The following RIMS1 variants were observed in gnomAD, a reference collection of about 807,000 sequenced individuals.
The protein encoded by RIMS1 is regulating synaptic membrane exocytosis protein 1.
Under a neutral mutation model 214.1 loss-of-function variants are expected in RIMS1, and 83 were observed. The ratio of observed to expected loss-of-function variants is 0.39; its 90% CI spans 0.32 to 0.47. The LOEUF is 0.47. Among genes scored for constraint, RIMS1 ranks in the 20% least tolerant of loss-of-function variants. The probability of loss-of-function intolerance (pLI) is 0.99; values close to 1 mark genes in which losing one functional copy is unlikely to be tolerated. For synonymous variants in RIMS1, 793 were observed against 786.8 expected (o/e 1.01, Z -0.13); for missense variants, 2,050 against 2,161.8 (o/e 0.95, Z 1.03).
chr6:71,948,697 C>T (rs1392606075), intron 1 of RIMS1, among the ~76,000 whole-genome samples: 1 of 152,058 alleles, frequency 6.6e-6, no homozygotes, highest in Admixed American at 6.6e-5. Context: ...ACTACATAGG[C>T]CATAATAATT....
chr6:72,303,244 G>T (rs62407503), intron 26 of RIMS1, among the ~76,000 whole-genome samples: 28,975 of 150,544 alleles, frequency 0.19, 3,495 homozygotes, highest in Non-Finnish European at 0.27. Flanking sequence ...ATGGATTAGG[G>T]AAGATTTATT....
At chr6:72,071,957 T>A (rs1830668869) in intron 2 of RIMS1, among the ~76,000 whole-genome samples, 1 of 152,196 alleles carries the variant, frequency 6.6e-6, no homozygotes, top group African/African-American at 2.4e-5. Flanking sequence ...TTAGGTTTAT[T>A]CTGAATAAGC....
At chr6:72,235,771 A>C in intron 8 of RIMS1, 43 bp downstream of exon 8, 1 of 1,172,654 alleles carries the variant, frequency 8.5e-7, no homozygotes. Flanking sequence ...GGTGAATTAC[A>C]GTATGGTCTG....
At chr6:72,361,486 A>G (rs1329098689) in intron 29 of RIMS1, among the ~76,000 whole-genome samples, 13 of 152,186 alleles carry the variant, frequency 8.5e-5, no homozygotes, top group Non-Finnish European at 1.8e-4. Context: ...GAAGTCTAAA[A>G]TGGGTCAAAG....
Position 72,145,666 on chromosome 6 carries a change from C to T in RIMS1, c.472-33909C>T, listed in dbSNP as rs145005952. 7.7e-4 allele frequency among the ~76,000 whole-genome samples: 117 copies of T among 152,188 alleles called. 2 individuals carry two copies. The East Asian group carries it at 0.02, about 26-fold the overall frequency. On this transcript the variant is annotated intron_variant, in intron 4 of 33. Transcript: ENST00000521978. ...TTTACTGACCACAGGTTAGGAACCC[C>T]GTATAAAGACTGTGTAGACAAGTTA...
At chr6:72,259,793 T>G (rs1229794912) in intron 18 of RIMS1, among the ~76,000 whole-genome samples, 1 of 152,178 alleles carries the variant, frequency 6.6e-6, no homozygotes, top group Non-Finnish European at 1.5e-5. Context: ...AGCCTGATTA[T>G]AAGCTCAGGA....
At chr6:72,387,291 T>A (rs2807517) in intron 29 of RIMS1, among the ~76,000 whole-genome samples, 5,823 of 152,316 alleles carry the variant, frequency 0.038, 277 homozygotes, top group African/African-American at 0.12. Flanking sequence ...TTAGATTTAA[T>A]GTTCCTGCAA....
At chr6:72,264,634 G>C (rs1219591460) in intron 19 of RIMS1, among the ~76,000 whole-genome samples, 1 of 152,072 alleles carries the variant, frequency 6.6e-6, no homozygotes, top group Non-Finnish European at 1.5e-5. Flanking sequence ...TTTTAGCTAT[G>C]AGTTTACTTT....
intron 4 of RIMS1, among the ~76,000 whole-genome samples, chr6:72,141,922 G>A (rs1312233056): frequency 5.9e-5 from 9 of 151,892 alleles, no homozygotes; most frequent in Non-Finnish European, 1.5e-5. Flanking sequence ...TGGCCTATTA[G>A]CTTCCTTCAA....
At chr6:71,994,208 T>C (rs913445142) in intron 2 of RIMS1, among the ~76,000 whole-genome samples, 1 of 152,198 alleles carries the variant, frequency 6.6e-6, no homozygotes, top group African/African-American at 2.4e-5. Flanking sequence ...AATTTAGTGT[T>C]ATTACTTTAA....
intron 1 of RIMS1, among the ~76,000 whole-genome samples, chr6:71,915,106 C>T (rs75235207): frequency 0.059 from 8,976 of 151,958 alleles, 394 homozygotes; most frequent in Non-Finnish European, 0.091. Flanking sequence ...GCATACAGAC[C>T]CAAGGCCTTC....
At position 72,259,134 on chromosome 6, in the gene RIMS1, C is replaced by G. The variant is rs752616961; in HGVS notation, c.3053+23C>G. The G allele has an allele frequency of 2.5e-5, 40 of 1,602,070 alleles. No homozygotes were observed. The East Asian group carries it at 7.4e-4, about 30-fold the overall frequency. On this transcript the variant is annotated intron_variant, in intron 18 of 33. Coordinates refer to ENST00000521978, the MANE Select transcript of RIMS1 (RefSeq NM_014989.7). ...CAGGTATTTGTCAAAATTATGATCTCAACGTTATGAATTTTTTGTTCTGTT... is the reference window on the plus strand; with the variant it reads ...CAGGTATTTGTCAAAATTATGATCTGAACGTTATGAATTTTTTGTTCTGTT...
intron 31 of RIMS1, among the ~76,000 whole-genome samples, chr6:72,395,853 C>T (rs985331668): frequency 1.3e-5 from 2 of 151,570 alleles, no homozygotes; most frequent in African/African-American, 4.8e-5. Flanking sequence ...AATTATCACA[C>T]ATACCTCAAA....
chr6:72,147,979 A>G (rs1479831538), intron 4 of RIMS1, among the ~76,000 whole-genome samples: 1 of 152,144 alleles, frequency 6.6e-6, no homozygotes. Flanking sequence ...GTGGAGCCCT[A>G]TTGACCCTGG....
At position 72,307,190 on chromosome 6, in the gene RIMS1, C is replaced by T. The variant is rs118051512; in HGVS notation, c.3851-68C>T. ...GAAGTCATTTCAAAAGCATTGAAAT[C>T]TTAAACCATTCAGTTCCTGAAAGGT... On this transcript the variant is annotated intron_variant, in intron 26 of 33. Transcript: ENST00000521978. 9.5e-3 allele frequency: 9,214 copies of T among 971,760 alleles called. 58 individuals are homozygous for T. The highest frequency in any genetic ancestry group is 0.013 in the Non-Finnish European group (7,864 of 624,060). The allele number at this position is 971,760 out of a possible 1,614,324, so 60.2% of individuals were successfully genotyped here. A position where few individuals can be genotyped will look rare whatever the true frequency, so the allele number is the denominator to read the frequency against.
intron 1 of RIMS1, among the ~76,000 whole-genome samples, chr6:71,922,168 T>C (rs908856914): frequency 2.0e-5 from 3 of 152,202 alleles, no homozygotes; most frequent in Admixed American, 2.0e-4. Context: ...ATATATAACA[T>C]AATACTTATC....
chr6:72,003,584 A>C (rs914888036), intron 2 of RIMS1, among the ~76,000 whole-genome samples: 4 of 151,882 alleles, frequency 2.6e-5, no homozygotes, highest in African/African-American at 9.7e-5. Context: ...AGTTATCGAT[A>C]TACAATTTTG....
At chr6:71,971,005 C>A (rs1221120732) in intron 2 of RIMS1, among the ~76,000 whole-genome samples, 1 of 145,312 alleles carries the variant, frequency 6.9e-6, no homozygotes, top group Non-Finnish European at 1.5e-5. Context: ...AGGCTAGTGA[C>A]CAGACCTCTT....
At chr6:72,010,915 A>G (rs529458691) in intron 2 of RIMS1, among the ~76,000 whole-genome samples, 64 of 152,290 alleles carry the variant, frequency 4.2e-4, no homozygotes, top group Non-Finnish European at 7.5e-4. Context: ...AAGGTAATTT[A>G]TAGATTCAAT....
Sources: allele counts gnomAD v4.1 joint callset (sites outside exome capture counted in the v4.1 genomes callset), GRCh38; gene constraint gnomAD v4.1.1; transcripts MANE v1.5; gene names NCBI Gene and HGNC (gene_info 2026-07-23, HGNC 2026-07-21).